Variants in SREK1 observed in about 807,000 individuals in gnomAD.
The protein encoded by SREK1 is splicing regulatory glutamine/lysine-rich protein 1.
A neutral mutation model predicts 66.5 loss-of-function variants in SREK1; 13 were observed. That is an observed-to-expected ratio of 0.20 (90% CI 0.13 to 0.31). The LOEUF is 0.31. Ranked by LOEUF, SREK1 falls within the 10% of genes least tolerant of loss-of-function variation. SREK1 has a pLI of 1.00. For missense variants in SREK1, 607 were observed against 769.6 expected (o/e 0.79, Z 2.50); for synonymous variants, 265 against 263.5 (o/e 1.01, Z -0.05).
chr5:66,176,151 G>T (rs1036734873), intron 10 of SREK1, among the ~76,000 whole-genome samples: 1 of 151,978 alleles, frequency 6.6e-6, no homozygotes, highest in Non-Finnish European at 1.5e-5. Context: ...AAATGCTTCC[G>T]TGTTGTTGCA....
intron 9 of SREK1, chr5:66,174,498 A>C (rs1186343349): frequency 6.6e-6 from 1 of 152,530 alleles, no homozygotes; most frequent in Non-Finnish European, 1.5e-5. Flanking sequence ...AAGCCAGTTT[A>C]TGTTTCAGTT....
chr5:66,145,643 C>T (rs1371834570), intron 1 of SREK1, among the ~76,000 whole-genome samples: 1 of 151,696 alleles, frequency 6.6e-6, no homozygotes, highest in Non-Finnish European at 1.5e-5. Flanking sequence ...ATATTTCATG[C>T]ATACAGAAAA....
intron 1 of SREK1, chr5:66,144,889 G>A: frequency 2.0e-6 from 2 of 1,012,534 alleles, no homozygotes; most frequent in Non-Finnish European, 2.4e-6. Flanking sequence ...AGCCCTCATG[G>A]CAAACGTCTC....
intron 1 of SREK1, among the ~76,000 whole-genome samples, chr5:66,151,730 C>T (rs1013131824): frequency 6.7e-6 from 1 of 149,714 alleles, no homozygotes; most frequent in Non-Finnish European, 1.5e-5. Flanking sequence ...GTTGCTTTGA[C>T]TTAGGTGTTG....
At position 66,170,235 on chromosome 5, in the gene SREK1, A is replaced by G. The variant is rs1745517729; in HGVS notation, c.1121+65A>G. On this transcript the variant is annotated intron_variant, in intron 8 of 11. Coordinates refer to ENST00000334121, the MANE Select transcript of SREK1 (RefSeq NM_001077199.3). ...AGAGTTCTGTTAGTGCTAAGGGATA[A>G]TATTTTAATTGGCTTCATTTGTTAA... 2.6e-6 allele frequency: 4 copies of G among 1,516,516 alleles called. No individual in the cohort carries two copies. The South Asian group carries it at 4.0e-5, about 15-fold the overall frequency. 93.9% of individuals were successfully genotyped at this position (1,516,516 alleles called of 1,614,324 possible). A position where few individuals can be genotyped will look rare whatever the true frequency, so the allele number is the denominator to read the frequency against.
intron 9 of SREK1, chr5:66,174,722 G>A: frequency 2.9e-6 from 1 of 349,270 alleles, no homozygotes. Context: ...TTCCTAATAT[G>A]AAGTCTTAGA....
rs1444067087 is a variant in SREK1, at chr5:66,177,457, A to G, written c.1581-57A>G. The G allele has an allele frequency of 1.2e-5, 16 of 1,346,848 alleles. No homozygotes were observed. The Admixed American group carries it at 3.0e-4, about 25-fold the overall frequency. 83.4% of individuals were successfully genotyped at this position (1,346,848 alleles called of 1,614,324 possible). A position where few individuals can be genotyped will look rare whatever the true frequency, so the allele number is the denominator to read the frequency against. On this transcript the variant is annotated intron_variant, in intron 10 of 11. Coordinates refer to ENST00000334121, the MANE Select transcript of SREK1 (RefSeq NM_001077199.3). ...TGTTAGAAAAGGATATTTTGTCAAG[A>G]ATATAATAGATCTTACAATTTCTTA... is the stretch of plus-strand genomic sequence containing the variant.
intron 5 of SREK1, chr5:66,163,334 A>T (rs996218032): frequency 2.0e-5 from 3 of 153,376 alleles, no homozygotes; most frequent in Non-Finnish European, 4.4e-5. Context: ...TGCACATTCA[A>T]AGCTATGTCT....
At chr5:66,157,122 T>C in intron 2 of SREK1, 1 of 944,926 alleles carries the variant, frequency 1.1e-6, no homozygotes, top group Non-Finnish European at 1.3e-6. Flanking sequence ...ATTAGAATGG[T>C]AATTGAAAGT....
At chr5:66,161,971 A>G (rs1383281155) in intron 3 of SREK1, 138 bp from the exon 4 acceptor site, 1 of 857,648 alleles carries the variant, frequency 1.2e-6, no homozygotes, top group Non-Finnish European at 1.7e-6. Context: ...TCAGACATAT[A>G]TATGACTGAA....
intron 2 of SREK1, chr5:66,153,883 A>G (rs1380161229): frequency 3.1e-6 from 1 of 322,488 alleles, no homozygotes; most frequent in Non-Finnish European, 5.6e-6. Context: ...ATTAAAAAAT[A>G]ATTGATATGG....
intron 7 of SREK1, chr5:66,168,782 C>T (rs1300917641): frequency 6.6e-6 from 1 of 152,132 alleles, no homozygotes; most frequent in African/African-American, 2.4e-5. Context: ...ATTCAGCTTC[C>T]TTGGAATACG....
chr5:66,176,857 G>A (rs1325881725), intron 10 of SREK1, among the ~76,000 whole-genome samples: 1 of 151,910 alleles, frequency 6.6e-6, no homozygotes, highest in Non-Finnish European at 1.5e-5. Flanking sequence ...TTACTAATTG[G>A]TTATGGTTTT....
chr5:66,144,886 A>G (rs1452281381), intron 1 of SREK1: 2 of 1,014,544 alleles, frequency 2.0e-6, no homozygotes, highest in Non-Finnish European at 2.4e-6. Context: ...AACAGCCCTC[A>G]TGGCAAACGT....
At chr5:66,152,579 A>G (rs11955390) in intron 1 of SREK1, among the ~76,000 whole-genome samples, 1 of 152,238 alleles carries the variant, frequency 6.6e-6, no homozygotes, top group Non-Finnish European at 1.5e-5. Context: ...CTATTAAGTC[A>G]TATATTTTTC....
chr5:66,150,864 A>G (rs1743728256), intron 1 of SREK1, among the ~76,000 whole-genome samples: 1 of 152,000 alleles, frequency 6.6e-6, no homozygotes, highest in African/African-American at 2.4e-5. Context: ...TTTTTGAGAC[A>G]CAGTCTCACT....
At position 66,182,059 on chromosome 5, in the gene SREK1, T is replaced by C. The variant is rs1437220260; in HGVS notation, c.*3191T>C. 1.3e-5 allele frequency: 2 copies of C among 151,216 alleles called. No homozygotes were observed. Among genetic ancestry groups the C allele is most frequent in the Non-Finnish European group, 3.0e-5 (2 of 67,746 alleles). The allele number at this position is 151,216 out of a possible 1,614,324, so 9.4% of individuals were successfully genotyped here. Reference sequence around the variant, plus strand: ...TACTGTGTAGATTCAAGAATTATAATGTAGAGTAATAGGCCTTTAAGTTTT... The same window carrying C: ...TACTGTGTAGATTCAAGAATTATAACGTAGAGTAATAGGCCTTTAAGTTTT... On this transcript the variant is annotated 3_prime_UTR_variant, in exon 12 of 12. Transcript: ENST00000334121.
At chr5:66,155,360 A>G (rs571973496) in intron 2 of SREK1, among the ~76,000 whole-genome samples, 12 of 152,340 alleles carry the variant, frequency 7.9e-5, no homozygotes, top group African/African-American at 2.9e-4. Context: ...GGTATTGGTG[A>G]AACATTCAGA....
At chr5:66,144,734 A>T in intron 1 of SREK1, 197 bp downstream of exon 1, 1 of 1,274,274 alleles carries the variant, frequency 7.8e-7, no homozygotes, top group African/African-American at 1.5e-5. Flanking sequence ...GGGGTTAACT[A>T]CTGCACGGAG....
Sources: allele counts gnomAD v4.1 joint callset (sites outside exome capture counted in the v4.1 genomes callset), GRCh38; gene constraint gnomAD v4.1.1; transcripts MANE v1.5; gene names NCBI Gene and HGNC (gene_info 2026-07-23, HGNC 2026-07-21).